NRG3: variants seen among roughly 807,000 people sequenced by gnomAD.
The protein encoded by NRG3 is neuregulin 3, also known as pro-neuregulin-3, membrane-bound isoform.
NRG3 carries 31 observed loss-of-function variants against 66.9 expected under a neutral mutation model. That is an observed-to-expected ratio of 0.46 (90% CI 0.35 to 0.63). NRG3 has a LOEUF of 0.63. NRG3 is among the 20% of genes least tolerant of loss of function. The pLI is 0.00. For synonymous variants in NRG3, 393 were observed against 359.4 expected, an observed-to-expected ratio of 1.09 and a Z score of -1.06; for missense variants, 910 against 878.9, an observed-to-expected ratio of 1.04 and a Z score of -0.45.
intron 1 of NRG3, among the ~76,000 whole-genome samples, chr10:82,202,313 G>T (rs2133503104): frequency 6.6e-6 from 1 of 152,188 alleles, no homozygotes; most frequent in South Asian, 2.1e-4. Context: ...TGTAACAAAT[G>T]GAATTTTAGT....
chr10:82,006,698 A>C (rs899471456), intron 1 of NRG3, among the ~76,000 whole-genome samples: 1 of 151,916 alleles, frequency 6.6e-6, no homozygotes, highest in Non-Finnish European at 1.5e-5. Flanking sequence ...TGGATAGTCT[A>C]TCTTTTGCTC....
intron 2 of NRG3, among the ~76,000 whole-genome samples, chr10:82,595,670 AG>A (rs2047229882): frequency 6.6e-6 from 1 of 152,038 alleles, no homozygotes; most frequent in African/African-American, 2.4e-5. Context: ...CTGTAGTCCC[AG>A]CTACTCGGGA....
Position 82,937,456 on chromosome 10 carries a change from C to G in NRG3, c.1055-14013C>G, listed in dbSNP as rs540032851. 8.9e-4 allele frequency among the ~76,000 whole-genome samples: 135 copies of G among 152,326 alleles called. 1 individual carries two copies. The highest frequency in any genetic ancestry group is 3.1e-3 in the African/African-American group (130 of 41,568). On this transcript the variant is annotated intron_variant, in intron 4 of 8. Coordinates refer to ENST00000372141, the MANE Select transcript of NRG3 (RefSeq NM_001010848.4). ...TGTGCTTTCCGACTATCAGTCTGCA[C>G]TATTCAACGTGGTAGCCACAAACAT... is the stretch of plus-strand genomic sequence containing the variant.
intron 1 of NRG3, among the ~76,000 whole-genome samples, chr10:82,226,115 A>G (rs927648241): frequency 6.6e-6 from 1 of 152,176 alleles, no homozygotes; most frequent in African/African-American, 2.4e-5. Context: ...AAAAAAGGCA[A>G]ACTTCCAAAC....
chr10:82,061,766 C>G (rs1374362756), intron 1 of NRG3, among the ~76,000 whole-genome samples: 1 of 151,816 alleles, frequency 6.6e-6, no homozygotes, highest in Non-Finnish European at 1.5e-5. Flanking sequence ...TCCATAACTG[C>G]TCTCTTCCCT....
chr10:82,653,217 G>A (rs1373142743), intron 2 of NRG3, among the ~76,000 whole-genome samples: 11 of 152,174 alleles, frequency 7.2e-5, no homozygotes, highest in Non-Finnish European at 1.5e-4. Flanking sequence ...TAAGAGTGCT[G>A]AATGAGGCAG....
intron 1 of NRG3, among the ~76,000 whole-genome samples, chr10:81,883,601 A>T (rs1231447432): frequency 6.6e-6 from 1 of 152,204 alleles, no homozygotes; most frequent in African/African-American, 2.4e-5. Context: ...GGTCAGCTGA[A>T]TCCATGCAAC....
chr10:82,564,539 G>T (rs2045265039), intron 2 of NRG3, among the ~76,000 whole-genome samples: 1 of 152,006 alleles, frequency 6.6e-6, no homozygotes, highest in African/African-American at 2.4e-5. Flanking sequence ...TATGTGGTTG[G>T]GATAAAGTTA....
chr10:81,901,561 TA>T (rs2132657341), intron 1 of NRG3, among the ~76,000 whole-genome samples: 1 of 152,068 alleles, frequency 6.6e-6, no homozygotes, highest in South Asian at 2.1e-4. Context: ...CCCTATTACT[TA>T]GGAGGCTGAG....
chr10:82,525,409 A>G (rs1287678122), intron 2 of NRG3, among the ~76,000 whole-genome samples: 1 of 151,888 alleles, frequency 6.6e-6, no homozygotes, highest in East Asian at 1.9e-4. Context: ...GGGTATCCCA[A>G]ATGAATAATC....
chr10:82,862,252 C>T (rs1437453756), intron 3 of NRG3, among the ~76,000 whole-genome samples: 1 of 152,158 alleles, frequency 6.6e-6, no homozygotes, highest in Non-Finnish European at 1.5e-5. Flanking sequence ...GAACAAAAGT[C>T]TGTTATTCCT....
chr10:81,987,434 C>T (rs1343966619), intron 1 of NRG3, among the ~76,000 whole-genome samples: 1 of 152,114 alleles, frequency 6.6e-6, no homozygotes, highest in Non-Finnish European at 1.5e-5. Flanking sequence ...TATTTTTTGA[C>T]ACGATATCCC....
chr10:82,506,454 G>A (rs1298263291), intron 2 of NRG3, among the ~76,000 whole-genome samples: 1 of 151,984 alleles, frequency 6.6e-6, no homozygotes, highest in Non-Finnish European at 1.5e-5. Flanking sequence ...TAGAGAAGTG[G>A]CCCCTTAGTT....
intron 2 of NRG3, among the ~76,000 whole-genome samples, chr10:82,634,916 A>AG (rs1259377962): frequency 1.3e-5 from 2 of 152,170 alleles, no homozygotes; most frequent in African/African-American, 4.8e-5. Flanking sequence ...GGTTGGGATG[A>AG]GGAAAAAGGA....
At chr10:82,657,017 T>C (rs2051925693) in intron 2 of NRG3, among the ~76,000 whole-genome samples, 1 of 151,950 alleles carries the variant, frequency 6.6e-6, no homozygotes, top group African/African-American at 2.4e-5. Flanking sequence ...CACACACCCG[T>C]ATATCTCAAT....
At chr10:82,531,874 A>G (rs949542146) in intron 2 of NRG3, among the ~76,000 whole-genome samples, 1 of 151,952 alleles carries the variant, frequency 6.6e-6, no homozygotes, top group Non-Finnish European at 1.5e-5. Flanking sequence ...GACTAGTGGT[A>G]CACTGTTGTA....
intron 2 of NRG3, among the ~76,000 whole-genome samples, chr10:82,496,263 T>G (rs1298221492): frequency 6.6e-6 from 1 of 152,204 alleles, no homozygotes; most frequent in Non-Finnish European, 1.5e-5. Context: ...TGGCCTCCAG[T>G]AAACACCTCT....
chr10:81,913,849 T>C (rs1415008807), intron 1 of NRG3, among the ~76,000 whole-genome samples: 1 of 152,212 alleles, frequency 6.6e-6, no homozygotes, highest in African/African-American at 2.4e-5. Flanking sequence ...GTGCAGACTT[T>C]ATGTATATAG....
At chr10:82,532,669 T>G (rs1281427523) in intron 2 of NRG3, among the ~76,000 whole-genome samples, 3 of 150,294 alleles carry the variant, frequency 2.0e-5, no homozygotes, top group Non-Finnish European at 4.4e-5. Flanking sequence ...CTCTCATTTT[T>G]TTAATCTATG....
Sources: gnomAD v4.1 joint callset for allele counts (sites outside exome capture counted in the v4.1 genomes callset) on GRCh38, gnomAD v4.1.1 for gene constraint, MANE v1.5 for transcripts, NCBI Gene and HGNC (gene_info 2026-07-23, HGNC 2026-07-21) for gene names.